Variants in TMEM132D observed in about 807,000 individuals in gnomAD.
TMEM132D encodes mature OL transmembrane protein.
Under a neutral mutation model 62.3 loss-of-function variants are expected in TMEM132D, and 21 were observed. That is an observed-to-expected ratio of 0.34 (90% CI 0.24 to 0.49). The LOEUF is 0.49. Ranked by LOEUF, TMEM132D falls within the 20% of genes least tolerant of loss-of-function variation. The pLI is 0.99. For synonymous variants in TMEM132D, 621 were observed against 575.6 expected (o/e 1.08, Z -1.13); for missense variants, 1,346 against 1,402.8 (o/e 0.96, Z 0.65).
chr12:129,186,972 T>G (rs1164816107), intron 5 of TMEM132D, among the ~76,000 whole-genome samples: 7 of 152,366 alleles, frequency 4.6e-5, no homozygotes, highest in Admixed American at 1.3e-4. Flanking sequence ...ATAATGCATA[T>G]TGAACACCTA....
chr12:129,256,676 C>T (rs1298801356), intron 4 of TMEM132D, among the ~76,000 whole-genome samples: 1 of 152,160 alleles, frequency 6.6e-6, no homozygotes, highest in East Asian at 1.9e-4. Context: ...CTTGCCTCAG[C>T]CTCCCAAAGT....
intron 3 of TMEM132D, among the ~76,000 whole-genome samples, chr12:129,417,755 G>A (rs1004558304): frequency 6.6e-6 from 1 of 152,134 alleles, no homozygotes; most frequent in South Asian, 2.1e-4. Flanking sequence ...TATCATCAGA[G>A]TGAACAGGCA....
intron 4 of TMEM132D, among the ~76,000 whole-genome samples, chr12:129,285,922 C>T (rs539006885): frequency 6.6e-6 from 1 of 152,170 alleles, no homozygotes; most frequent in Non-Finnish European, 1.5e-5. Context: ...AGTGTGTTGT[C>T]GTAACTTTAT....
intron 1 of TMEM132D, among the ~76,000 whole-genome samples, chr12:129,723,648 C>T (rs1436684304): frequency 3.3e-5 from 5 of 152,230 alleles, no homozygotes; most frequent in African/African-American, 9.6e-5. Context: ...GACCTTGTCC[C>T]GACCCTTGCT....
chr12:129,633,581 C>A (rs1879404787), intron 2 of TMEM132D, among the ~76,000 whole-genome samples: 1 of 152,138 alleles, frequency 6.6e-6, no homozygotes, highest in Non-Finnish European at 1.5e-5. Context: ...ACACCCGGAG[C>A]CTTCCTCCAC....
chr12:129,273,194 TC>T (rs1452534885), intron 4 of TMEM132D, among the ~76,000 whole-genome samples: 2 of 151,190 alleles, frequency 1.3e-5, no homozygotes, highest in Middle Eastern at 3.2e-3. Flanking sequence ...AGATTCTGTT[TC>T]CAAACAAACA....
At chr12:129,229,682 G>A (rs1399678216) in intron 4 of TMEM132D, among the ~76,000 whole-genome samples, 1 of 152,218 alleles carries the variant, frequency 6.6e-6, no homozygotes, top group Non-Finnish European at 1.5e-5. Flanking sequence ...ACATCAAAGA[G>A]CTGCTCTCAG....
intron 1 of TMEM132D, among the ~76,000 whole-genome samples, chr12:129,889,512 G>T (rs142219927): frequency 1.2e-3 from 188 of 152,140 alleles, no homozygotes; most frequent in African/African-American, 4.3e-3. Flanking sequence ...AGCCAACCTG[G>T]CCTAACTAAT....
Position 129,295,534 on chromosome 12 carries a change from G to A in TMEM132D, c.1299+42100C>T, listed in dbSNP as rs145143446. Among the ~76,000 whole-genome samples the A allele has an allele frequency of 2.7e-5, 4 of 150,138 alleles. No individual in the cohort carries two copies. In the East Asian group the frequency reaches 6.0e-4, roughly 22 times the overall value. The stretch of plus-strand genomic sequence containing the variant: ...CAACCTCCACCTCCCGGGTTCAAGC[G>A]ATTCTCCTGCCTCAGTCTCCCAAGT... On this transcript the variant is annotated intron_variant, in intron 4 of 8. Transcript: ENST00000422113.
chr12:129,829,382 G>A (rs569251983), intron 1 of TMEM132D, among the ~76,000 whole-genome samples: 1 of 152,182 alleles, frequency 6.6e-6, no homozygotes, highest in South Asian at 2.1e-4. Flanking sequence ...AATAAGACTT[G>A]TGAAATCCAA....
intron 3 of TMEM132D, among the ~76,000 whole-genome samples, chr12:129,425,916 T>G (rs1257592493): frequency 6.6e-6 from 1 of 152,190 alleles, no homozygotes; most frequent in East Asian, 1.9e-4. Context: ...AGAAAAGCTG[T>G]TTTATCACGA....
rs375315971 is a variant in TMEM132D at position 129,156,933 on chromosome 12, C to T, written c.1443+52587G>A. On this transcript the variant is annotated intron_variant, in intron 5 of 8. Coordinates refer to ENST00000422113, the MANE Select transcript of TMEM132D (RefSeq NM_133448.3). ...TTAACACACTCCCCAAATAACTAAC[C>T]CACTCCTGTGATAACTAACCCACTC... Among the ~76,000 whole-genome samples the T allele has an allele frequency of 3.1e-4, 47 of 152,058 alleles. No individual in the cohort carries two copies. The South Asian group carries it at 9.6e-3, about 31-fold the overall frequency.
chr12:129,101,352 G>T (rs1441832036), intron 5 of TMEM132D, among the ~76,000 whole-genome samples: 1 of 152,254 alleles, frequency 6.6e-6, no homozygotes, highest in African/African-American at 2.4e-5. Flanking sequence ...ACTGAATGCA[G>T]AGCTGGGAAG....
intron 1 of TMEM132D, among the ~76,000 whole-genome samples, chr12:129,885,019 C>G (rs537778194): frequency 2.6e-5 from 4 of 152,114 alleles, no homozygotes; most frequent in Non-Finnish European, 4.4e-5. Flanking sequence ...GTAAGCCTAG[C>G]CCAAAAGGCT....
At chr12:129,416,630 C>T (rs192468982) in intron 3 of TMEM132D, among the ~76,000 whole-genome samples, 4 of 152,230 alleles carry the variant, frequency 2.6e-5, no homozygotes, top group East Asian at 1.9e-4. Flanking sequence ...TGTCTTGTGC[C>T]GGTTTTCAAA....
intron 2 of TMEM132D, among the ~76,000 whole-genome samples, chr12:129,614,337 C>T (rs1359444512): frequency 1.3e-5 from 2 of 152,232 alleles, no homozygotes; most frequent in African/African-American, 4.8e-5. Flanking sequence ...TCCCATAGCT[C>T]AGTGAGCTCA....
intron 3 of TMEM132D, among the ~76,000 whole-genome samples, chr12:129,419,323 C>T (rs1025627425): frequency 6.6e-6 from 1 of 152,106 alleles, no homozygotes; most frequent in African/African-American, 2.4e-5. Flanking sequence ...CAGTTTCAGC[C>T]AGCAAGAGTA....
chr12:129,514,486 G>A lies in TMEM132D; in HGVS notation c.1115+16573C>T, dbSNP rs562128231. On this transcript the variant is annotated intron_variant, in intron 3 of 8. Transcript: ENST00000422113. ...TTGAAGGGCTAGATTTTTATGTTGC[G>A]TGTAGAGCACAGGGGATTCTTAGAA... is the stretch of plus-strand genomic sequence containing the variant. Among the ~76,000 whole-genome samples the A allele has an allele frequency of 4.3e-4, 65 of 152,278 alleles. No homozygotes were observed. The South Asian group carries it at 8.9e-3, about 21-fold the overall frequency.
At chr12:129,626,148 C>T (rs1879207374) in intron 2 of TMEM132D, among the ~76,000 whole-genome samples, 1 of 151,904 alleles carries the variant, frequency 6.6e-6, no homozygotes, top group South Asian at 2.1e-4. Flanking sequence ...CAATAAAGCT[C>T]AGCAGGTTCT....
Sources: gnomAD v4.1 joint callset for allele counts (sites outside exome capture counted in the v4.1 genomes callset) on GRCh38, gnomAD v4.1.1 for gene constraint, MANE v1.5 for transcripts, NCBI Gene and HGNC (gene_info 2026-07-23, HGNC 2026-07-21) for gene names.